ZNF385D: variants seen among roughly 807,000 people sequenced by gnomAD.
ZNF385D encodes zinc finger protein 659.
A neutral mutation model predicts 35.8 loss-of-function variants in ZNF385D; 15 were observed. That is an observed-to-expected ratio of 0.42 (90% CI 0.28 to 0.64). The LOEUF (loss-of-function observed/expected upper bound fraction) is 0.64. ZNF385D is among the 30% of genes least tolerant of loss of function. The probability of loss-of-function intolerance (pLI) is 0.23; values close to 1 mark genes in which losing one functional copy is unlikely to be tolerated. For missense variants in ZNF385D, 474 were observed against 494.6 expected, an observed-to-expected ratio of 0.96 and a Z score of 0.39; for synonymous variants, 212 against 186.8, an observed-to-expected ratio of 1.13 and a Z score of -1.10.
intron 2 of ZNF385D, among the ~76,000 whole-genome samples, chr3:22,282,951 C>A (rs1701840156): frequency 6.6e-6 from 1 of 151,942 alleles, no homozygotes; most frequent in South Asian, 2.1e-4. Context: ...ACTCACCTGA[C>A]ATATAAGAAC....
intron 3 of ZNF385D, among the ~76,000 whole-genome samples, chr3:21,932,396 C>T (rs1701058042): frequency 6.6e-6 from 1 of 150,896 alleles, no homozygotes; most frequent in African/African-American, 2.5e-5. Flanking sequence ...CTGATTGTGA[C>T]TTAATATGGG....
At chr3:22,319,611 A>G (rs1290538343) in intron 2 of ZNF385D, among the ~76,000 whole-genome samples, 2 of 152,162 alleles carry the variant, frequency 1.3e-5, no homozygotes, top group Non-Finnish European at 2.9e-5. Flanking sequence ...AGATTTCCCT[A>G]TAGTTCATGG....
chr3:22,178,269 T>C (rs1000892224), intron 2 of ZNF385D, among the ~76,000 whole-genome samples: 13 of 152,224 alleles, frequency 8.5e-5, no homozygotes, highest in Admixed American at 2.6e-4. Context: ...TTTTTAATGA[T>C]TGCCATTCTA....
chr3:22,261,096 C>T (rs201518585), intron 2 of ZNF385D, among the ~76,000 whole-genome samples: 1 of 61,912 alleles, frequency 1.6e-5, no homozygotes, highest in African/African-American at 5.8e-5. Context: ...ACTATCTATC[C>T]ATCCATCCAT....
At chr3:21,756,263 A>G (rs948982731) in intron 3 of ZNF385D, among the ~76,000 whole-genome samples, 5 of 152,208 alleles carry the variant, frequency 3.3e-5, no homozygotes, top group African/African-American at 1.2e-4. Context: ...AAATGGGTCC[A>G]CAGAATTCTC....
chr3:22,169,577 C>T (rs568615268), intron 2 of ZNF385D, among the ~76,000 whole-genome samples: 1 of 152,252 alleles, frequency 6.6e-6, no homozygotes, highest in Non-Finnish European at 1.5e-5. Context: ...TGCAAAGATA[C>T]TAACACTCTT....
intron 1 of ZNF385D, among the ~76,000 whole-genome samples, chr3:21,715,967 A>G (rs369302048): frequency 6.6e-6 from 1 of 152,164 alleles, no homozygotes; most frequent in Non-Finnish European, 1.5e-5. Context: ...TCTCAAAATC[A>G]TCTTCATCTC....
chr3:21,834,687 A>G (rs1293291211), intron 3 of ZNF385D, among the ~76,000 whole-genome samples: 1 of 152,116 alleles, frequency 6.6e-6, no homozygotes, highest in African/African-American at 2.4e-5. Context: ...CAGACTGATG[A>G]TGTTTGGCTC....
intron 3 of ZNF385D, among the ~76,000 whole-genome samples, chr3:21,896,820 C>CT (rs11410914): frequency 0.26 from 38,704 of 146,918 alleles, 5,242 homozygotes; most frequent in Admixed American, 0.38. Flanking sequence ...GTTCTTAATA[C>CT]TTTTTTTTTT....
intron 3 of ZNF385D, among the ~76,000 whole-genome samples, chr3:22,073,528 C>T (rs1700325774): frequency 6.6e-6 from 1 of 151,790 alleles, no homozygotes; most frequent in Admixed American, 6.6e-5. Context: ...TACACAACAA[C>T]CTTTCTAGGG....
chr3:21,581,634 G>T (rs1021271105), intron 2 of ZNF385D, among the ~76,000 whole-genome samples: 1 of 152,098 alleles, frequency 6.6e-6, no homozygotes, highest in African/African-American at 2.4e-5. Context: ...TATAATTCTT[G>T]GTTGAAGCCA....
intron 3 of ZNF385D, among the ~76,000 whole-genome samples, chr3:22,079,408 T>C (rs1369596334): frequency 1.3e-5 from 2 of 151,892 alleles, no homozygotes; most frequent in Non-Finnish European, 2.9e-5. Flanking sequence ...GAAGTAAAAA[T>C]TGACATTCTG....
At chr3:22,133,604 A>G (rs1159835985) in intron 3 of ZNF385D, 2 of 152,024 alleles carry the variant, frequency 1.3e-5, no homozygotes, top group African/African-American at 4.8e-5. Flanking sequence ...ATTAATTTTT[A>G]TTTCTACTTA....
chr3:21,914,796 T>C (rs1233291974), intron 3 of ZNF385D, among the ~76,000 whole-genome samples: 2 of 152,038 alleles, frequency 1.3e-5, no homozygotes, highest in Non-Finnish European at 2.9e-5. Context: ...AAAAAGCCAC[T>C]TCATTATCTG....
At chr3:22,095,518 C>G (rs978669522) in intron 3 of ZNF385D, among the ~76,000 whole-genome samples, 3 of 151,906 alleles carry the variant, frequency 2.0e-5, no homozygotes, top group African/African-American at 7.2e-5. Context: ...TCTTCTGATT[C>G]AATATGATAC....
chr3:22,059,546 G>C (rs535519541), intron 3 of ZNF385D, among the ~76,000 whole-genome samples: 8 of 152,168 alleles, frequency 5.3e-5, no homozygotes, highest in Non-Finnish European at 1.2e-4. Context: ...TTTGTGATAG[G>C]GTTGGTGGTG....
At position 21,935,805 on chromosome 3, in the gene ZNF385D, G is replaced by A. The variant is rs76698975; in HGVS notation, c.325+233012C>T. Among the ~76,000 whole-genome samples the A allele has an allele frequency of 2.6e-3, 389 of 152,128 alleles. 1 individual carries two copies. The highest frequency in any genetic ancestry group is 8.8e-3 in the African/African-American group (364 of 41,522). On this transcript the variant is annotated intron_variant, in intron 3 of 5. Transcript: ENST00000494108. ...CCTTGTTTTTCGTTGTGCATAACCC[G>A]GTGGAGTACCTTTTCTTGACTTCCT...
At chr3:22,294,703 T>C (rs1379856877) in intron 2 of ZNF385D, among the ~76,000 whole-genome samples, 1 of 152,102 alleles carries the variant, frequency 6.6e-6, no homozygotes, top group Non-Finnish European at 1.5e-5. Flanking sequence ...TAAGCTTCTA[T>C]GTTCTGAATT....
intron 3 of ZNF385D, among the ~76,000 whole-genome samples, chr3:21,925,980 AAAT>A (rs1190533524): frequency 6.6e-6 from 1 of 152,136 alleles, no homozygotes; most frequent in African/African-American, 2.4e-5. Flanking sequence ...TGATAACAAC[AAAT>A]ATTAGTAAAG....
Sources: gnomAD v4.1 joint callset for allele counts (sites outside exome capture counted in the v4.1 genomes callset) on GRCh38, gnomAD v4.1.1 for gene constraint, MANE v1.5 for transcripts, NCBI Gene and HGNC (gene_info 2026-07-23, HGNC 2026-07-21) for gene names.